AXL: variants seen among roughly 807,000 people sequenced by gnomAD.
AXL encodes the protein AXL receptor tyrosine kinase, also known as tyrosine-protein kinase receptor UFO.
A neutral mutation model predicts 104.5 loss-of-function variants in AXL; 52 were observed. The ratio of observed to expected loss-of-function variants is 0.50; its 90% CI spans 0.40 to 0.63. The LOEUF is 0.63. Ranked by LOEUF, AXL falls within the 20% of genes least tolerant of loss-of-function variation. The pLI is 0.00. For missense variants in AXL, 1,024 were observed against 1,188.5 expected (o/e 0.86, Z 2.04); for synonymous variants, 455 against 473.7 (o/e 0.96, Z 0.51).
rs929084476 is a variant in AXL, at chr19:41,261,765, G to A, written c.*1861G>A. 6.6e-6 allele frequency: 1 copy of A among 152,344 alleles called. No homozygotes were observed. 9.4% of individuals were successfully genotyped at this position (152,344 alleles called of 1,614,324 possible). On this transcript the variant is annotated 3_prime_UTR_variant, in exon 20 of 20. Transcript: ENST00000301178. ...GTCACATAAAACTTTGTATATCAAC[G>A]AGCTTCTGTCTCCTCTTGTCTCCTT... is the stretch of plus-strand genomic sequence containing the variant.
chr19:41,237,839 C>A, intron 6 of AXL, 105 bp from the exon 7 acceptor site: 1 of 1,089,556 alleles, frequency 9.2e-7, no homozygotes, highest in South Asian at 1.3e-5. Flanking sequence ...CACACGCACC[C>A]TTGAAAAGTT....
intron 4 of AXL, among the ~76,000 whole-genome samples, chr19:41,225,140 A>C (rs1484907821): frequency 1.3e-5 from 2 of 152,128 alleles, no homozygotes; most frequent in African/African-American, 4.8e-5. Context: ...AGGAGCTGCG[A>C]TTACAGGCAC....
chr19:41,243,896 T>G (rs1376130491), intron 12 of AXL, 189 bp downstream of exon 12: 1 of 564,902 alleles, frequency 1.8e-6, no homozygotes, highest in Admixed American at 3.1e-5. Context: ...AATAGAATCT[T>G]AGACACAGTA....
In AXL at chr19:41,224,066, G is replaced by A. The variant is rs528293613; in HGVS notation, c.586+2010G>A. On this transcript the variant is annotated intron_variant, in intron 4 of 19. Transcript: ENST00000301178. ...CTTTATAGCATGTCTCTCTCTCTAC[G>A]TTTCTTAGGGGTTGCCCGTGTGTGG... Among the ~76,000 whole-genome samples, 81 of 151,954 alleles carry A rather than the reference G, an allele frequency of 5.3e-4. 2 individuals carry two copies. Among genetic ancestry groups the A allele is most frequent in the African/African-American group, 1.9e-3 (79 of 41,446 alleles).
rs190361047 is a variant in AXL, at chr19:41,248,378, C to T, written c.1538-136C>T. ...GCTGGGGTGGAAGTAGAGGGGTGCT[C>T]AGGGCAGTTGCTAATTTTAAATCAG... On this transcript the variant is annotated intron_variant, in intron 12 of 19. Transcript: ENST00000301178. 5.4e-5 allele frequency: 45 copies of T among 838,254 alleles called. No individual in the cohort carries two copies. In the East Asian group the frequency reaches 9.6e-4, roughly 18 times the overall value. The allele number at this position is 838,254 out of a possible 1,614,324, so 51.9% of individuals were successfully genotyped here. A position where few individuals can be genotyped will look rare whatever the true frequency, so the allele number is the denominator to read the frequency against.
chr19:41,238,505 C>T lies in AXL; in HGVS notation c.1030C>T (p.Arg344Trp), dbSNP rs148886744. 28 of 1,613,984 alleles carry T rather than the reference C, an allele frequency of 1.7e-5. 1 individual carries two copies. The highest frequency in any genetic ancestry group is 1.7e-4 in the Middle Eastern group (1 of 6,042). ...CCCCCCTGAGAACATTAGTGCTACG[C>T]GGAATGGGAGCCAGGCCTTCGTGCA... ...LGPPENISAT[R>W]NGSQAFVHWQ... Residue 344 changes from arginine (R) to tryptophan (W), a missense_variant, in exon 8 of 20, where the codon CGG becomes TGG. Around this residue, in one of 5 missense-constraint regions of AXL, gnomAD observed 332 missense variants for 343.9 expected, o/e 0.97. Coordinates refer to ENST00000301178, the MANE Select transcript of AXL (RefSeq NM_021913.5).
chr19:41,236,331 TAA>T (rs36010942), intron 6 of AXL, among the ~76,000 whole-genome samples: 25 of 102,048 alleles, frequency 2.4e-4, no homozygotes, highest in Admixed American at 4.4e-4. Context: ...AGACTCTGTC[TAA>T]AAAAAAAAAA....
At chr19:41,250,770 T>G (rs1023058496) in intron 14 of AXL, among the ~76,000 whole-genome samples, 1 of 152,106 alleles carries the variant, frequency 6.6e-6, no homozygotes, top group African/African-American at 2.4e-5. Context: ...GACAGAGTCT[T>G]GCTCGTTGCC....
chr19:41,225,213 C>A (rs2033858261), intron 4 of AXL, among the ~76,000 whole-genome samples: 1 of 152,174 alleles, frequency 6.6e-6, no homozygotes, highest in African/African-American at 2.4e-5. Flanking sequence ...TCATGTTGGC[C>A]AGGCTGGTCT....
In AXL at chr19:41,219,349, C is replaced by A; in HGVS notation, c.-44C>A. Reference sequence around the variant, plus strand: ...CGGGGACAGCCCGGCCCTGCCCCCTCCCCCGCTGGGAGCCCAACAACTTCT... The same window carrying A: ...CGGGGACAGCCCGGCCCTGCCCCCTACCCCGCTGGGAGCCCAACAACTTCT... On this transcript the variant is annotated 5_prime_UTR_variant, in exon 1 of 20. Coordinates refer to ENST00000301178, the MANE Select transcript of AXL (RefSeq NM_021913.5). 1 of 1,542,966 alleles carries A rather than the reference C, an allele frequency of 6.5e-7. No individual in the cohort carries two copies. The highest frequency in any genetic ancestry group is 8.8e-7 in the Non-Finnish European group (1 of 1,140,914).
intron 6 of AXL, 63 bp from the exon 7 acceptor site, chr19:41,237,881 G>A: frequency 6.8e-7 from 1 of 1,473,636 alleles, no homozygotes; most frequent in Non-Finnish European, 9.5e-7. Context: ...ACCACTGGGA[G>A]CTGTGTGACC....
chr19:41,232,852 T>C (rs1246210976), intron 6 of AXL, among the ~76,000 whole-genome samples: 2 of 152,170 alleles, frequency 1.3e-5, no homozygotes, highest in Non-Finnish European at 2.9e-5. Context: ...CCTGCTCGTG[T>C]GTTTGTGAAG....
intron 4 of AXL, among the ~76,000 whole-genome samples, chr19:41,224,880 C>CTAAG (rs1204643259): frequency 2.0e-5 from 3 of 152,148 alleles, no homozygotes; most frequent in African/African-American, 7.2e-5. Context: ...AGTACATGAC[C>CTAAG]TAAGGATGCT....
At chr19:41,240,485 T>G (rs2034163860) in intron 10 of AXL, among the ~76,000 whole-genome samples, 1 of 152,072 alleles carries the variant, frequency 6.6e-6, no homozygotes, top group African/African-American at 2.4e-5. Context: ...GGTGGATGGA[T>G]GGATGAATGA....
At position 41,238,087 on chromosome 19, in the gene AXL, G is replaced by A. The variant is rs762804223; in HGVS notation, c.927G>A (p.Val309=). 1 of 1,613,950 alleles carries A rather than the reference G, an allele frequency of 6.2e-7. No individual in the cohort carries two copies. The highest frequency in any genetic ancestry group is 8.5e-7 in the Non-Finnish European group (1 of 1,179,970). The stretch of plus-strand genomic sequence containing the variant: ...CTCACACCCCTTATCACATCCGCGT[G>A]GCATGCACCAGCAGCCAGGGCCCCT... ...LHPHTPYHIR[V]ACTSSQGPSS... The change falls in exon 7 of 20, where the codon GTG becomes GTA. Residue 309 remains valine (V), a synonymous_variant. Transcript: ENST00000301178.
chr19:41,244,151 G>T (rs1001840107), intron 12 of AXL, among the ~76,000 whole-genome samples: 1 of 152,058 alleles, frequency 6.6e-6, no homozygotes, highest in Non-Finnish European at 1.5e-5. Flanking sequence ...GCTGCAGTAA[G>T]CCGTGATCAC....
At chr19:41,256,731 G>T in intron 18 of AXL, 120 bp downstream of exon 18, 1 of 1,361,024 alleles carries the variant, frequency 7.3e-7, no homozygotes. Context: ...CCCTTTGCAG[G>T]GGCTTGTCCA....
chr19:41,246,362 G>A (rs777391769), intron 12 of AXL, among the ~76,000 whole-genome samples: 1 of 151,610 alleles, frequency 6.6e-6, no homozygotes, highest in Non-Finnish European at 1.5e-5. Flanking sequence ...AAAGAGAATC[G>A]CTTGAACCCG....
chr19:41,239,035 C>T (rs749387125), intron 8 of AXL, 129 bp from the exon 9 acceptor site: 38 of 1,073,480 alleles, frequency 3.5e-5, no homozygotes, highest in African/African-American at 3.2e-4. Context: ...AAGGGGAGGA[C>T]GAGGAAGGAT....
Sources: allele counts gnomAD v4.1 joint callset (sites outside exome capture counted in the v4.1 genomes callset), GRCh38; gene constraint gnomAD v4.1.1; regional missense constraint gnomAD v4.1.1; transcripts MANE v1.5; gene names NCBI Gene and HGNC (gene_info 2026-07-23, HGNC 2026-07-21).